FAM76A: variants seen among roughly 807,000 people sequenced by gnomAD.
FAM76A encodes the protein protein FAM76A.
Under a neutral mutation model 46.2 loss-of-function variants are expected in FAM76A, and 32 were observed. The ratio of observed to expected loss-of-function variants is 0.69; its 90% CI spans 0.52 to 0.93. FAM76A has a LOEUF of 0.93. FAM76A is among the 40% of genes least tolerant of loss of function. The pLI is 0.00. For missense variants in FAM76A, 274 were observed against 361.5 expected (o/e 0.76, Z 1.96); for synonymous variants, 137 against 127.0 (o/e 1.08, Z -0.53).
At chr1:27,754,802 C>T (rs888912616) in intron 6 of FAM76A, among the ~76,000 whole-genome samples, 1 of 152,142 alleles carries the variant, frequency 6.6e-6, no homozygotes, top group African/African-American at 2.4e-5. Context: ...CATGAGCTCA[C>T]AGTTTATAAT....
intron 4 of FAM76A, chr1:27,739,450 T>A (rs2088112558): frequency 2.1e-6 from 1 of 470,656 alleles, no homozygotes; most frequent in African/African-American, 2.0e-5. Context: ...GATTTGATGA[T>A]GGCAATTATG....
At chr1:27,739,906 G>A (rs148682036) in intron 4 of FAM76A, 1 of 201,412 alleles carries the variant, frequency 5.0e-6, no homozygotes, top group African/African-American at 2.4e-5. Flanking sequence ...TGGGTTTTAA[G>A]GAGAGAAGAT....
In FAM76A at chr1:27,732,946, T is replaced by G. The variant is rs137894796; in HGVS notation, c.201+289T>G. On this transcript the variant is annotated intron_variant, in intron 3 of 8. Coordinates refer to ENST00000373954, the MANE Select transcript of FAM76A (RefSeq NM_152660.3). ...ATTTTTTGTTTTTGTTTTTGTTTTT[T>G]TTTTTTTGTGACTGAGTCTTGGTCT... Among the ~76,000 whole-genome samples the G allele has an allele frequency of 1.1e-3, 161 of 152,014 alleles. 1 individual carries two copies. The highest frequency in any genetic ancestry group is 8.1e-3 in the East Asian group (42 of 5,188).
chr1:27,762,664 G>A lies in FAM76A; in HGVS notation c.*2083G>A, dbSNP rs2088526742. The stretch of plus-strand genomic sequence containing the variant: ...TGCTAAATAGTTTTGTAAAGTTTTT[G>A]AATGAGAAGCTTTTAGGTAAAGATA... On this transcript the variant is annotated 3_prime_UTR_variant, in exon 9 of 9. Coordinates refer to ENST00000373954, the MANE Select transcript of FAM76A (RefSeq NM_152660.3). The A allele has an allele frequency of 1.3e-5, 2 of 152,034 alleles. No individual in the cohort carries two copies. Among genetic ancestry groups the A allele is most frequent in the Admixed American group, 1.3e-4 (2 of 15,264 alleles). 9.4% of individuals were successfully genotyped at this position (152,034 alleles called of 1,614,324 possible).
intron 6 of FAM76A, among the ~76,000 whole-genome samples, chr1:27,754,261 C>T (rs1389983491): frequency 2.0e-5 from 3 of 152,136 alleles, no homozygotes; most frequent in East Asian, 3.9e-4. Context: ...CATGCACCAC[C>T]ACGGCCAGCT....
intron 2 of FAM76A, among the ~76,000 whole-genome samples, chr1:27,729,303 G>C (rs532105825): frequency 6.6e-6 from 1 of 151,748 alleles, no homozygotes; most frequent in African/African-American, 2.4e-5. Context: ...CCCTCTCCGG[G>C]CTCAAATGAT....
intron 2 of FAM76A, among the ~76,000 whole-genome samples, chr1:27,731,222 T>TC (rs1491331754): frequency 5.8e-5 from 8 of 137,870 alleles, no homozygotes; most frequent in African/African-American, 1.6e-4. Flanking sequence ...TTTTTTTTTT[T>TC]CGAGACACAG....
At chr1:27,739,939 T>C in intron 4 of FAM76A, 2 of 234,388 alleles carry the variant, frequency 8.5e-6, no homozygotes, top group Non-Finnish European at 1.7e-5. Flanking sequence ...TAACTTACCC[T>C]TGGGAGCCAG....
intron 2 of FAM76A, 127 bp downstream of exon 2, chr1:27,727,663 C>T (rs2087883601): frequency 7.2e-6 from 5 of 690,996 alleles, no homozygotes; most frequent in South Asian, 1.7e-5. Context: ...TAATCAATCA[C>T]ATTATATACA....
At position 27,740,466 on chromosome 1, in the gene FAM76A, A is replaced by T. The variant is rs573836186; in HGVS notation, c.355-4188A>T. The T allele has an allele frequency of 3.4e-6, 5 of 1,468,520 alleles. No individual in the cohort carries two copies. In the Admixed American group the frequency reaches 6.7e-5, roughly 20 times the overall value. The allele number at this position is 1,468,520 out of a possible 1,614,324, so 91.0% of individuals were successfully genotyped here. ...GTTCCCATCTTTGGATAAGAGGTCG[A>T]TGGTGGAGTAGGTCCTGACACTGTC... On this transcript the variant is annotated intron_variant, in intron 4 of 8. Coordinates refer to ENST00000373954, the MANE Select transcript of FAM76A (RefSeq NM_152660.3).
chr1:27,740,197 T>C (rs1490877866), intron 4 of FAM76A: 2 of 603,472 alleles, frequency 3.3e-6, no homozygotes, highest in Non-Finnish European at 6.3e-6. Context: ...TCAATAGCTA[T>C]AGCAGAAGCC....
At chr1:27,741,825 G>C (rs1332901390) in intron 4 of FAM76A, among the ~76,000 whole-genome samples, 3 of 151,580 alleles carry the variant, frequency 2.0e-5, no homozygotes, top group Non-Finnish European at 4.4e-5. Context: ...GAAGGTTGCA[G>C]TGAGTCAACA....
intron 5 of FAM76A, among the ~76,000 whole-genome samples, chr1:27,745,140 A>G (rs1023045555): frequency 6.6e-6 from 1 of 152,092 alleles, no homozygotes; most frequent in African/African-American, 2.4e-5. Context: ...AGCTTTTTCA[A>G]TGCATATTTA....
rs562121145 is a variant in FAM76A, at chr1:27,737,197, C to T, written c.354+3014C>T. Among the ~76,000 whole-genome samples, 18 of 152,268 alleles carry T rather than the reference C, an allele frequency of 1.2e-4. No individual in the cohort carries two copies. In the Middle Eastern group the frequency reaches 0.01, roughly 86 times the overall value. ...TTGCTGATCTCAGGTGATCTACCCG[C>T]CTCAGCCTCCCAAAGTGCTAGGATT... On this transcript the variant is annotated intron_variant, in intron 4 of 8. Transcript: ENST00000373954.
Position 27,759,779 on chromosome 1 carries a change from G to GTTTTTTTTTTTT in FAM76A, c.837+162_837+163insTTTTTTTTTTTT, listed in dbSNP as rs542481822. The GTTTTTTTTTTTT allele has an allele frequency of 8.0e-4, 290 of 363,380 alleles. 5 individuals are homozygous for GTTTTTTTTTTTT. Among genetic ancestry groups the GTTTTTTTTTTTT allele is most frequent in the South Asian group, 2.9e-3 (81 of 28,226 alleles). The allele number at this position is 363,380 out of a possible 1,614,324, so 22.5% of individuals were successfully genotyped here. ...TCCCCCTTTTAGGTTTTTTTTTTTT[G>GTTTTTTTTTTTT]TTTTTTTTTTGAGACAGGTTCTCTG... On this transcript the variant is annotated intron_variant, in intron 8 of 8. Transcript: ENST00000373954.
intron 6 of FAM76A, among the ~76,000 whole-genome samples, chr1:27,751,399 T>C (rs1327402833): frequency 1.3e-5 from 2 of 152,228 alleles, no homozygotes; most frequent in African/African-American, 2.4e-5. Context: ...GGGTTTTTTT[T>C]CCCTGCATTT....
chr1:27,734,651 T>C (rs1001715555), intron 4 of FAM76A, among the ~76,000 whole-genome samples: 1 of 152,260 alleles, frequency 6.6e-6, no homozygotes, highest in African/African-American at 2.4e-5. Context: ...TTTGTTTTCT[T>C]CATTCATAAA....
Position 27,734,049 on chromosome 1 carries a change from T to C in FAM76A, c.220T>C (p.Cys74Arg). ...LYGTPKPCQY[C>R]NIIAAFIGNK... ...TTTTAAGCCCAAACCTTGTCAGTAT[T>C]GCAACATAATTGCAGCATTTATTGG... is the stretch of plus-strand genomic sequence containing the variant. Residue 74 changes from cysteine (C) to arginine (R), a missense_variant, in exon 4 of 9, where the codon TGC becomes CGC. Cys to Arg is a radical substitution (Grantham distance 180). Coordinates refer to ENST00000373954, the MANE Select transcript of FAM76A (RefSeq NM_152660.3). 6.2e-7 allele frequency: 1 copy of C among 1,609,456 alleles called. No individual in the cohort carries two copies. The highest frequency in any genetic ancestry group is 8.5e-7 in the Non-Finnish European group (1 of 1,179,106).
In FAM76A at chr1:27,741,193, A is replaced by ATTT. The variant is rs767134759; in HGVS notation, c.355-3441_355-3439dup. On this transcript the variant is annotated intron_variant, in intron 4 of 8. Coordinates refer to ENST00000373954, the MANE Select transcript of FAM76A (RefSeq NM_152660.3). The stretch of plus-strand genomic sequence containing the variant: ...TACCCAGTTTTTATTGGGAGATTTG[A>ATTT]TTTTTTTTTTTTTTTTTTTTTTGAG... 3.8e-3 allele frequency among the ~76,000 whole-genome samples: 447 copies of ATTT among 116,478 alleles called. 12 individuals carry two copies. Among genetic ancestry groups the ATTT allele is most frequent in the African/African-American group, 0.016 (427 of 26,810 alleles). The allele number at this position is 116,478 out of a possible 152,430, so 76.4% of individuals were successfully genotyped here.
Sources: gnomAD v4.1 joint callset for allele counts (sites outside exome capture counted in the v4.1 genomes callset) on GRCh38, gnomAD v4.1.1 for gene constraint, MANE v1.5 for transcripts, NCBI Gene and HGNC (gene_info 2026-07-23, HGNC 2026-07-21) for gene names.